The following ALG9 variants were observed in gnomAD, a reference collection of about 807,000 sequenced individuals.
The protein encoded by ALG9 is alpha-1,2-mannosyltransferase ALG9.
A neutral mutation model predicts 81.8 loss-of-function variants in ALG9; 55 were observed. The ratio of observed to expected loss-of-function variants is 0.67; its 90% CI spans 0.54 to 0.84. The LOEUF (loss-of-function observed/expected upper bound fraction) is 0.84. Ranked by LOEUF, ALG9 falls within the 40% of genes least tolerant of loss-of-function variation. The pLI is 0.00. For synonymous variants in ALG9, 278 were observed against 274.3 expected (o/e 1.01, Z -0.13); for missense variants, 629 against 745.0 (o/e 0.84, Z 1.81).
intron 14 of ALG9, among the ~76,000 whole-genome samples, chr11:111,798,676 T>C (rs150896491): frequency 3.9e-5 from 6 of 152,356 alleles, no homozygotes; most frequent in African/African-American, 1.4e-4. Flanking sequence ...AAAGTGATAT[T>C]GTCAAATAGT....
chr11:111,865,790 G>A (rs1962189112), intron 3 of ALG9, among the ~76,000 whole-genome samples: 1 of 152,120 alleles, frequency 6.6e-6, no homozygotes, highest in South Asian at 2.1e-4. Context: ...TAATAAAATG[G>A]TAAAAGTAGC....
Position 111,844,734 on chromosome 11 carries a change from C to T in ALG9, c.896-11G>A. 1 of 1,613,158 alleles carries T rather than the reference C, an allele frequency of 6.2e-7. No individual in the cohort carries two copies. On this transcript the variant is annotated splice_polypyrimidine_tract_variant and intron_variant, in intron 8 of 14. Coordinates refer to ENST00000616540, the MANE Select transcript of ALG9 (RefSeq NM_024740.2). ...ACCAGGGTTCTGTACCTGAGGGAGA[C>T]ATAAAGGTAAGAAATCATTAGTGGA...
At chr11:111,871,146 A>C (rs1188817509) in intron 1 of ALG9, 1 of 1,269,744 alleles carries the variant, frequency 7.9e-7, no homozygotes, top group African/African-American at 1.6e-5. Flanking sequence ...GCAGTTTTAC[A>C]GCGCAGTGGA....
chr11:111,867,861 C>A (rs1026094217), intron 3 of ALG9, among the ~76,000 whole-genome samples: 1 of 152,140 alleles, frequency 6.6e-6, no homozygotes, highest in Non-Finnish European at 1.5e-5. Context: ...ACTAACCCAG[C>A]AGGGAAAGAG....
intron 14 of ALG9, among the ~76,000 whole-genome samples, chr11:111,797,501 A>G (rs1324719866): frequency 6.6e-6 from 1 of 152,236 alleles, no homozygotes; most frequent in Non-Finnish European, 1.5e-5. Context: ...AGTTGAGCCC[A>G]TCAACTCCCA....
intron 13 of ALG9, among the ~76,000 whole-genome samples, chr11:111,827,411 G>A (rs1418968187): frequency 6.6e-6 from 1 of 152,164 alleles, no homozygotes; most frequent in African/African-American, 2.4e-5. Context: ...GGTAGTGGGA[G>A]GTTGCAGTGG....
chr11:111,839,286 T>A (rs1955825125), intron 10 of ALG9, among the ~76,000 whole-genome samples: 1 of 151,972 alleles, frequency 6.6e-6, no homozygotes, highest in Non-Finnish European at 1.5e-5. Flanking sequence ...CAATATTAAA[T>A]TAAAAGGGAT....
intron 5 of ALG9, among the ~76,000 whole-genome samples, chr11:111,858,646 C>A (rs1412679015): frequency 6.6e-6 from 1 of 152,160 alleles, no homozygotes; most frequent in African/African-American, 2.4e-5. Context: ...GTCTCTGGAA[C>A]AGAAACAATT....
At chr11:111,860,179 G>T (rs1265856654) in intron 5 of ALG9, among the ~76,000 whole-genome samples, 2 of 152,118 alleles carry the variant, frequency 1.3e-5, no homozygotes, top group African/African-American at 4.8e-5. Flanking sequence ...TCCACTAATG[G>T]CCAAGAAAGG....
chr11:111,768,279 T>G, the ALG9 span, among the ~76,000 whole-genome samples: 1 of 152,236 alleles, frequency 6.6e-6, no homozygotes, highest in Non-Finnish European at 1.5e-5. Context: ...GATGACAGTT[T>G]TAGCAAAATA....
chr11:111,792,557 T>C (rs1421933799), intron 14 of ALG9, among the ~76,000 whole-genome samples: 1 of 152,244 alleles, frequency 6.6e-6, no homozygotes, highest in African/African-American at 2.4e-5. Context: ...AATAACCATC[T>C]TGCTAAGGAC....
chr11:111,824,684 T>C (rs1952940148), intron 13 of ALG9, among the ~76,000 whole-genome samples: 1 of 152,226 alleles, frequency 6.6e-6, no homozygotes, highest in Non-Finnish European at 1.5e-5. Flanking sequence ...TTATTATCAG[T>C]TCCTGCTATA....
intron 14 of ALG9, among the ~76,000 whole-genome samples, chr11:111,800,827 T>C (rs1385118680): frequency 6.6e-6 from 1 of 152,166 alleles, no homozygotes; most frequent in Non-Finnish European, 1.5e-5. Context: ...CAATGTTCAA[T>C]AAATATTTGC....
At chr11:111,792,643 C>A (rs1591808791) in intron 14 of ALG9, among the ~76,000 whole-genome samples, 2 of 152,186 alleles carry the variant, frequency 1.3e-5, no homozygotes, top group East Asian at 3.8e-4. Flanking sequence ...AGTGCATAAT[C>A]AATCACAAGA....
chr11:111,795,980 C>T (rs980518372), intron 14 of ALG9, among the ~76,000 whole-genome samples: 2 of 152,142 alleles, frequency 1.3e-5, no homozygotes, highest in South Asian at 2.1e-4. Flanking sequence ...TGCCAATGTT[C>T]GAGAGAGTTT....
In ALG9 at chr11:111,832,695, G is replaced by C. The variant is rs555785837; in HGVS notation, c.1602+3470C>G. ...CATAACTTTATATCTTATTGTAGCA[G>C]AACTGACTATATTACTGCTTAGGAA... On this transcript the variant is annotated intron_variant, in intron 13 of 14. Coordinates refer to ENST00000616540, the MANE Select transcript of ALG9 (RefSeq NM_024740.2). Among the ~76,000 whole-genome samples the C allele has an allele frequency of 7.2e-5, 11 of 152,182 alleles. No individual in the cohort carries two copies. The East Asian group carries it at 2.1e-3, about 29-fold the overall frequency.
chr11:111,856,105 C>T (rs1958624708), intron 6 of ALG9, among the ~76,000 whole-genome samples: 1 of 151,696 alleles, frequency 6.6e-6, no homozygotes, highest in South Asian at 2.1e-4. Flanking sequence ...GGTAAAACCT[C>T]GTCTCTATTA....
chr11:111,867,383 G>A (rs1290205591), intron 3 of ALG9, among the ~76,000 whole-genome samples: 1 of 152,190 alleles, frequency 6.6e-6, no homozygotes, highest in Non-Finnish European at 1.5e-5. Context: ...CAAGATGACA[G>A]AGGTGTCAGA....
Position 111,853,401 on chromosome 11 carries a change from G to A in ALG9, c.874C>T (p.Pro292Ser). 1 of 1,613,706 alleles carries A rather than the reference G, an allele frequency of 6.2e-7. No homozygotes were observed. Among genetic ancestry groups the A allele is most frequent in the Non-Finnish European group, 8.5e-7 (1 of 1,179,700 alleles). Residue 292 changes from proline (P) to serine (S), a missense_variant, in exon 8 of 15, where the codon CCT becomes TCT. This residue lies in a region of ALG9 where 344 missense variants were observed against 390.5 expected (regional missense o/e 0.88). Coordinates refer to ENST00000616540, the MANE Select transcript of ALG9 (RefSeq NM_024740.2). ...TTACCATAAAGATCAGGTCCATGAG[G>A]AGTAAAGACATTATACAAAACAATG... ...LNIVLYNVFT[P>S]HGPDLYGTEP...
Sources: gnomAD v4.1 joint callset for allele counts (sites outside exome capture counted in the v4.1 genomes callset) on GRCh38, gnomAD v4.1.1 for gene constraint, gnomAD v4.1.1 regional missense constraint, MANE v1.5 for transcripts, NCBI Gene and HGNC (gene_info 2026-07-23, HGNC 2026-07-21) for gene names.